LRIG1: variants seen among roughly 807,000 people sequenced by gnomAD.
The protein encoded by LRIG1 is leucine-rich repeats and immunoglobulin-like domains protein 1.
In LRIG1, 48 loss-of-function variants were observed where a neutral mutation model predicts 99.2. The ratio of observed to expected loss-of-function variants is 0.48; its 90% CI spans 0.38 to 0.62. LRIG1 has a LOEUF of 0.62. Among genes scored for constraint, LRIG1 ranks in the 20% least tolerant of loss-of-function variants. The pLI, the probability that LRIG1 is intolerant of heterozygous loss-of-function variation, is 0.00. For synonymous variants in LRIG1, 772 were observed against 596.1 expected (o/e 1.29, Z -4.30); for missense variants, 1,646 against 1,434.4 (o/e 1.15, Z -2.38).
intron 9 of LRIG1, among the ~76,000 whole-genome samples, chr3:66,400,695 A>T (rs542259900): frequency 6.6e-6 from 1 of 152,324 alleles, no homozygotes; most frequent in East Asian, 1.9e-4. Context: ...GGGACCCATA[A>T]GGGAAAACAA....
intron 1 of LRIG1, among the ~76,000 whole-genome samples, chr3:66,482,474 C>T (rs771393431): frequency 4.6e-5 from 7 of 152,186 alleles, no homozygotes; most frequent in Non-Finnish European, 7.3e-5. Flanking sequence ...TTAAAATAAT[C>T]TGAGGCAATT....
At position 66,381,543 on chromosome 3, in the gene LRIG1, C is replaced by A. The variant is rs1025695318; in HGVS notation, c.2706G>T (p.Ala902=). 4 of 1,614,120 alleles carry A rather than the reference C, an allele frequency of 2.5e-6. No individual in the cohort carries two copies. Among genetic ancestry groups the A allele is most frequent in the South Asian group, 1.1e-5 (1 of 91,084 alleles). The change falls in exon 17 of 19, where the codon GCG becomes GCT. Residue 902 remains alanine, a synonymous_variant. Coordinates refer to ENST00000273261, the MANE Select transcript of LRIG1 (RefSeq NM_015541.3). ...CRQPKLCAGS[A]YHKEPWKAME... ...TCGCTTTCCACGGCTCTTTGTGATA[C>A]GCAGACCCAGCACAGAGCTTTGGCT...
At chr3:66,484,824 A>C (rs994834891) in intron 1 of LRIG1, among the ~76,000 whole-genome samples, 3 of 152,112 alleles carry the variant, frequency 2.0e-5, no homozygotes, top group African/African-American at 7.3e-5. Context: ...CTGCATAACA[A>C]AGTGAAATAG....
chr3:66,453,444 A>C (rs1418033161), intron 2 of LRIG1, among the ~76,000 whole-genome samples: 2 of 152,338 alleles, frequency 1.3e-5, no homozygotes, highest in East Asian at 3.9e-4. Context: ...AAGTAATTTG[A>C]CCAAGGTCAC....
intron 8 of LRIG1, among the ~76,000 whole-genome samples, chr3:66,406,731 GC>G (rs1256230948): frequency 2.0e-5 from 3 of 152,128 alleles, no homozygotes; most frequent in African/African-American, 7.2e-5. Flanking sequence ...AGCCACTTTT[GC>G]CAACCCCATC....
At chr3:66,460,926 G>A (rs1190845735) in intron 2 of LRIG1, among the ~76,000 whole-genome samples, 1 of 152,228 alleles carries the variant, frequency 6.6e-6, no homozygotes, top group Non-Finnish European at 1.5e-5. Flanking sequence ...AGAATCTGGA[G>A]ATGAGGGTTT....
At chr3:66,391,197 T>C (rs1701602469) in intron 12 of LRIG1, among the ~76,000 whole-genome samples, 1 of 152,194 alleles carries the variant, frequency 6.6e-6, no homozygotes, top group African/African-American at 2.4e-5. Flanking sequence ...ATTGGAATTC[T>C]CATGCATTGG....
intron 12 of LRIG1, among the ~76,000 whole-genome samples, chr3:66,389,137 G>C (rs1366174516): frequency 6.6e-6 from 1 of 152,130 alleles, no homozygotes; most frequent in Non-Finnish European, 1.5e-5. Flanking sequence ...GCATATTACT[G>C]AAGTTAATTT....
chr3:66,405,741 G>A, intron 8 of LRIG1: 1 of 1,122,816 alleles, frequency 8.9e-7, no homozygotes, highest in South Asian at 2.1e-5. Context: ...CGGCCCGTGG[G>A]CGCCTCCGTA....
chr3:66,438,103 G>A (rs116122618), intron 3 of LRIG1, among the ~76,000 whole-genome samples: 1,708 of 152,264 alleles, frequency 0.011, 22 homozygotes, highest in African/African-American at 0.039. Context: ...CTGCCTCAGA[G>A]CCACATCTGG....
At chr3:66,416,434 C>T (rs182592581) in intron 4 of LRIG1, among the ~76,000 whole-genome samples, 1 of 152,316 alleles carries the variant, frequency 6.6e-6, no homozygotes, top group East Asian at 1.9e-4. Context: ...GGAATGAAAA[C>T]TCACCTGGAA....
intron 1 of LRIG1, among the ~76,000 whole-genome samples, chr3:66,492,407 T>C (rs1456616766): frequency 6.6e-6 from 1 of 152,108 alleles, no homozygotes; most frequent in Non-Finnish European, 1.5e-5. Context: ...AAAATAAAGT[T>C]GTGAGTTGTT....
chr3:66,472,755 C>T (rs948899463), intron 1 of LRIG1, among the ~76,000 whole-genome samples: 4 of 152,100 alleles, frequency 2.6e-5, no homozygotes, highest in Admixed American at 1.3e-4. Context: ...TATATTACTT[C>T]CTCTGGGTGC....
At chr3:66,456,537 C>T (rs3845900) in intron 2 of LRIG1, among the ~76,000 whole-genome samples, 140,993 of 149,822 alleles carry the variant, frequency 0.94, 66,705 homozygotes, top group Non-Finnish European at 1. Context: ...CATACCACTG[C>T]ACTCTAGCCT....
intron 12 of LRIG1, among the ~76,000 whole-genome samples, chr3:66,391,478 T>C (rs369216502): frequency 4.4e-4 from 67 of 152,334 alleles, no homozygotes; most frequent in African/African-American, 1.6e-3. Context: ...GAAGTACTGA[T>C]ACATGCTTAA....
intron 17 of LRIG1, 120 bp downstream of exon 17, chr3:66,381,358 GA>G: frequency 1.0e-6 from 1 of 973,560 alleles, no homozygotes; most frequent in Non-Finnish European, 1.5e-6. Context: ...TGTATATACT[GA>G]ATACCAAATT....
At chr3:66,456,875 A>G (rs1700234901) in intron 2 of LRIG1, among the ~76,000 whole-genome samples, 5 of 152,196 alleles carry the variant, frequency 3.3e-5, no homozygotes, top group Admixed American at 3.3e-4. Context: ...CAGTATCTAC[A>G]GAGGACTGTA....
intron 6 of LRIG1, among the ~76,000 whole-genome samples, chr3:66,411,127 C>G (rs953551813): frequency 6.6e-6 from 1 of 152,184 alleles, no homozygotes; most frequent in South Asian, 2.1e-4. Flanking sequence ...AGCTCTCAGG[C>G]CCACCGTGTA....
At chr3:66,418,781 G>C (rs1163985345) in intron 3 of LRIG1, among the ~76,000 whole-genome samples, 1 of 152,090 alleles carries the variant, frequency 6.6e-6, no homozygotes, top group African/African-American at 2.4e-5. Flanking sequence ...CTCTTTCCCA[G>C]AAGCTCTGGG....
Sources: gnomAD v4.1 joint callset for allele counts (sites outside exome capture counted in the v4.1 genomes callset) on GRCh38, gnomAD v4.1.1 for gene constraint, MANE v1.5 for transcripts, NCBI Gene and HGNC (gene_info 2026-07-23, HGNC 2026-07-21) for gene names.